The following LTBP2 variants were observed in gnomAD, a reference collection of about 807,000 sequenced individuals.
LTBP2 encodes latent-transforming growth factor beta-binding protein 2.
A neutral mutation model predicts 210.6 loss-of-function variants in LTBP2; 103 were observed. The ratio of observed to expected loss-of-function variants is 0.49; its 90% CI spans 0.42 to 0.58. The LOEUF (loss-of-function observed/expected upper bound fraction) is 0.58, where lower values mean the gene tolerates loss of function less well. Among genes scored for constraint, LTBP2 ranks in the 20% least tolerant of loss-of-function variants. The pLI is 0.00. For synonymous variants in LTBP2, 1,007 were observed against 1,015.0 expected (o/e 0.99, Z 0.15); for missense variants, 2,313 against 2,494.5 (o/e 0.93, Z 1.55).
chr14:74,611,838 T>C lies in LTBP2; in HGVS notation c.107A>G (p.Gln36Arg), dbSNP rs1258011800. 2 of 1,611,374 alleles carry C rather than the reference T, an allele frequency of 1.2e-6. No individual in the cohort carries two copies. Among genetic ancestry groups the C allele is most frequent in the African/African-American group, 2.7e-5 (2 of 74,860 alleles). Reference sequence around the variant, plus strand: ...CTCGTATCTCCCTACGGGGTCCCTTTGGGCATGACCCGCGCCCACGAAGAG... The same window carrying C: ...CTCGTATCTCCCTACGGGGTCCCTTCGGGCATGACCCGCGCCCACGAAGAG... ...LALFVGAGHA[Q>R]RDPVGRYEPA... The change falls in exon 1 of 36, where the codon CAA becomes CGA. Residue 36 changes from glutamine (Q) to arginine (R), a missense_variant. Transcript: ENST00000261978.
At chr14:74,588,254 C>T (rs1316989257) in intron 2 of LTBP2, among the ~76,000 whole-genome samples, 1 of 152,196 alleles carries the variant, frequency 6.6e-6, no homozygotes, top group East Asian at 1.9e-4. Context: ...CGGAGTTTCA[C>T]TCTTGTTGCC....
chr14:74,588,469 C>A (rs1236498761), intron 2 of LTBP2, among the ~76,000 whole-genome samples: 1 of 152,160 alleles, frequency 6.6e-6, no homozygotes, highest in Non-Finnish European at 1.5e-5. Flanking sequence ...GATCCGCCCA[C>A]CTCGGCCTCC....
At chr14:74,561,535 A>C (rs2087794200) in intron 3 of LTBP2, among the ~76,000 whole-genome samples, 1 of 152,184 alleles carries the variant, frequency 6.6e-6, no homozygotes, top group South Asian at 2.1e-4. Context: ...AGGCCGGAAG[A>C]TCTGTAAATA....
chr14:74,572,447 C>CTT (rs111500139), intron 3 of LTBP2, among the ~76,000 whole-genome samples: 53 of 143,900 alleles, frequency 3.7e-4, no homozygotes, highest in Admixed American at 6.9e-4. Context: ...GAATGCCTCC[C>CTT]TTTTTTTTTT....
At chr14:74,591,684 T>C (rs537725190) in intron 2 of LTBP2, among the ~76,000 whole-genome samples, 2 of 152,354 alleles carry the variant, frequency 1.3e-5, no homozygotes, top group Non-Finnish European at 2.9e-5. Context: ...GATTGAAGTA[T>C]GTAGACTCCT....
In LTBP2 at chr14:74,511,232, C is replaced by A; in HGVS notation, c.3028+13G>T. On this transcript the variant is annotated intron_variant, in intron 19 of 35. Transcript: ENST00000261978. ...CGAATGGCTGGCTCAGTGCCTTGGC[C>A]AGCAGCCCTCACCTACACAGCTCCC... The A allele has an allele frequency of 6.2e-7, 1 of 1,613,758 alleles. No homozygotes were observed. Among genetic ancestry groups the A allele is most frequent in the Non-Finnish European group, 8.5e-7 (1 of 1,179,962 alleles).
rs1179958058 is a variant in LTBP2, at chr14:74,540,815, TA to T, written c.1790-4816del. Reference sequence around the variant, plus strand: ...TATATTTATATATATATATAATATATATATATTTTTATATAATATATATTTA... The same window carrying T: ...TATATTTATATATATATATAATATATTATATTTTTATATAATATATATTTA... On this transcript the variant is annotated intron_variant, in intron 8 of 35. Coordinates refer to ENST00000261978, the MANE Select transcript of LTBP2 (RefSeq NM_000428.3). 8.2e-4 allele frequency among the ~76,000 whole-genome samples: 15 copies of T among 18,208 alleles called. 2 individuals are homozygous for T. In the Non-Finnish European group the frequency reaches 0.01, roughly 13 times the overall value. 11.9% of individuals were successfully genotyped at this position (18,208 alleles called of 152,430 possible).
At chr14:74,550,375 G>A (rs1378303343) in intron 7 of LTBP2, among the ~76,000 whole-genome samples, 1 of 152,196 alleles carries the variant, frequency 6.6e-6, no homozygotes, top group Non-Finnish European at 1.5e-5. Flanking sequence ...GAGAGGCCAG[G>A]GATGATCTGG....
intron 8 of LTBP2, among the ~76,000 whole-genome samples, chr14:74,544,945 G>A (rs529185203): frequency 6.6e-6 from 1 of 152,262 alleles, no homozygotes; most frequent in South Asian, 2.1e-4. Context: ...GTGGGGGAAA[G>A]CCTACACCCT....
At chr14:74,525,085 G>T in intron 15 of LTBP2, 39 bp downstream of exon 15, 1 of 1,151,004 alleles carries the variant, frequency 8.7e-7, no homozygotes, top group Non-Finnish European at 1.1e-6. Context: ...AGCTCACAGG[G>T]CAGGGTGCAG....
chr14:74,574,523 T>G (rs1028042893), intron 3 of LTBP2, among the ~76,000 whole-genome samples: 4 of 152,120 alleles, frequency 2.6e-5, no homozygotes, highest in African/African-American at 9.7e-5. Context: ...AGGAAAAGAA[T>G]AGGGTAGGAA....
chr14:74,552,183 T>C lies in LTBP2; in HGVS notation c.1399+4A>G. ...CCCGCCGGCCCAGCTGTGCCGGCAC[T>C]CACCCAGCTGGTTGGAGAGCGGCAG... is the stretch of plus-strand genomic sequence containing the variant. On this transcript the variant is annotated splice_donor_region_variant and intron_variant, in intron 6 of 35. Transcript: ENST00000261978. The C allele has an allele frequency of 6.7e-7, 1 of 1,489,892 alleles. No individual in the cohort carries two copies. Among genetic ancestry groups the C allele is most frequent in the South Asian group, 1.1e-5 (1 of 88,072 alleles). The allele number at this position is 1,489,892 out of a possible 1,614,324, so 92.3% of individuals were successfully genotyped here.
In LTBP2 at chr14:74,555,502, C is replaced by T; in HGVS notation, c.1021+1G>A. On this transcript the variant is annotated splice_donor_variant, in intron 4 of 35. Transcript: ENST00000261978. LOFTEE classifies it high-confidence loss of function. The stretch of plus-strand genomic sequence containing the variant: ...TAGGACCCAAGACAGGGTATCCTTA[C>T]CCCAGGGGGATGAGGGGTGCTCCAG... 6.2e-7 allele frequency: 1 copy of T among 1,613,594 alleles called. No homozygotes were observed. The highest frequency in any genetic ancestry group is 8.5e-7 in the Non-Finnish European group (1 of 1,179,690).
rs779253319 is a variant in LTBP2 at position 74,551,304 on chromosome 14, G to A, written c.1446C>T (p.Pro482=). ...SLVKVHIHHP[P]EASVQIHQVA... ...CCTGGTGGATCTGCACTGAGGCCTC[G>A]GGTGGGTGGTGAATGTGCACCTTCA... Residue 482 remains proline (P), a synonymous_variant, in exon 7 of 36, where the codon CCC becomes CCT. Coordinates refer to ENST00000261978, the MANE Select transcript of LTBP2 (RefSeq NM_000428.3). 14 of 1,596,336 alleles carry A rather than the reference G, an allele frequency of 8.8e-6. No homozygotes were observed. The highest frequency in any genetic ancestry group is 1.7e-4 in the Middle Eastern group (1 of 5,726).
intron 19 of LTBP2, among the ~76,000 whole-genome samples, chr14:74,510,963 C>CG (rs1349513832): frequency 3.9e-5 from 6 of 152,330 alleles, no homozygotes; most frequent in Admixed American, 3.3e-4. Context: ...TTAGGCTCCT[C>CG]GCTCCACCAC....
At chr14:74,549,783 G>T in intron 8 of LTBP2, 80 bp downstream of exon 8, 1 of 1,223,988 alleles carries the variant, frequency 8.2e-7, no homozygotes, top group Non-Finnish European at 1.2e-6. Context: ...CTGACATCCT[G>T]GAGGGGAAAC....
rs968947294 is a variant in LTBP2, at chr14:74,555,578, G to C, written c.946C>G (p.Pro316Ala). Residue 316 changes from proline to alanine, a missense_variant, in exon 4 of 36, where the codon CCC becomes GCC. Around this residue, in one of 3 missense-constraint regions of LTBP2, gnomAD observed 1,867 missense variants for 1,976.9 expected, o/e 0.94. Transcript: ENST00000261978. ...ASSQLSSNAL[P>A]PGPGLEQRDG... ...CTCTGCTCAAGGCCTGGTCCCGGGG[G>C]CAGGGCGTTGGAAGAGAGCTGGCTA... The C allele has an allele frequency of 2.5e-6, 4 of 1,612,204 alleles. No homozygotes were observed. In the Admixed American group the frequency reaches 6.7e-5, roughly 27 times the overall value.
Position 74,510,188 on chromosome 14 carries a change from C to T in LTBP2, c.3054G>A (p.Gly1018=), listed in dbSNP as rs768173336. Residue 1018 remains glycine (G), a synonymous_variant, in exon 20 of 36, where the codon GGG becomes GGA. Transcript: ENST00000261978. ...CVDVNECLTP[G]VCAHGKCTNL... The stretch of plus-strand genomic sequence containing the variant: ...TGGTGCACTTTCCATGGGCACAGAC[C>T]CCGGGAGTCAGACACTCATTCACAT... 6.2e-6 allele frequency: 10 copies of T among 1,613,952 alleles called. No homozygotes were observed. Among genetic ancestry groups the T allele is most frequent in the African/African-American group, 1.3e-5 (1 of 75,050 alleles).
intron 3 of LTBP2, among the ~76,000 whole-genome samples, chr14:74,578,878 A>G (rs2088098049): frequency 6.6e-6 from 1 of 152,166 alleles, no homozygotes; most frequent in Non-Finnish European, 1.5e-5. Context: ...TTTTCGAGAC[A>G]GAGTTTTGCT....
Sources: gnomAD v4.1 joint callset for allele counts (sites outside exome capture counted in the v4.1 genomes callset) on GRCh38, gnomAD v4.1.1 for gene constraint, gnomAD v4.1.1 regional missense constraint, MANE v1.5 for transcripts, NCBI Gene and HGNC (gene_info 2026-07-23, HGNC 2026-07-21) for gene names.